Variants in NINJ2 observed in about 807,000 individuals in gnomAD.
The protein encoded by NINJ2 is ninjurin 2.
NINJ2 carries 12 observed loss-of-function variants against 11.7 expected under a neutral mutation model. The ratio of observed to expected loss-of-function variants is 1.02; its 90% CI spans 0.66 to 1.66. The LOEUF (loss-of-function observed/expected upper bound fraction) is 1.66, where lower values mean the gene tolerates loss of function less well. Among genes scored for constraint, NINJ2 ranks in the 40% most tolerant of loss-of-function variants. The pLI, the probability that NINJ2 is intolerant of heterozygous loss-of-function variation, is 0.00. For missense variants in NINJ2, 187 were observed against 181.8 expected (o/e 1.03, Z -0.16); for synonymous variants, 93 against 76.8 (o/e 1.21, Z -1.10).
At position 612,833 on chromosome 12, in the gene NINJ2, C is replaced by T. The variant is rs143085137; in HGVS notation, c.34-46655G>A. Among the ~76,000 whole-genome samples the T allele has an allele frequency of 2.0e-5, 3 of 152,292 alleles. No individual in the cohort carries two copies. The East Asian group carries it at 5.8e-4, about 29-fold the overall frequency. On this transcript the variant is annotated intron_variant, in intron 1 of 3. Coordinates refer to ENST00000305108, the MANE Select transcript of NINJ2 (RefSeq NM_016533.6). Reference sequence around the variant, plus strand: ...AGAGGACCCATGTGTCTGCAGCACACCCTTGGCACACCGGGTCCTCTCCGT... The same window carrying T: ...AGAGGACCCATGTGTCTGCAGCACATCCTTGGCACACCGGGTCCTCTCCGT...
chr12:642,869 G>C (rs1373350055), intron 1 of NINJ2: 1 of 150,888 alleles, frequency 6.6e-6, no homozygotes, highest in Non-Finnish European at 1.5e-5. Flanking sequence ...CCCCTGCCCG[G>C]CTCGCCCGCC....
Position 589,066 on chromosome 12 carries a change from G to A in NINJ2, c.34-22888C>T, listed in dbSNP as rs894960038. 5.9e-5 allele frequency among the ~76,000 whole-genome samples: 9 copies of A among 152,246 alleles called. 1 individual carries two copies. Among genetic ancestry groups the A allele is most frequent in the Admixed American group, 5.9e-4 (9 of 15,284 alleles). On this transcript the variant is annotated intron_variant, in intron 1 of 3. Transcript: ENST00000305108. The stretch of plus-strand genomic sequence containing the variant: ...ACAGAATAAGTCTCCCACAGAAAAT[G>A]CTCCCCAAAGCTCAAAAAGACAAGC...
At chr12:637,757 A>C (rs542464659) in intron 1 of NINJ2, among the ~76,000 whole-genome samples, 2 of 152,260 alleles carry the variant, frequency 1.3e-5, no homozygotes, top group East Asian at 3.9e-4. Context: ...GACACAACCC[A>C]ATTCCCTGTG....
In NINJ2 at chr12:614,108, C is replaced by T. The variant is rs1301183642; in HGVS notation, c.34-47930G>A. On this transcript the variant is annotated intron_variant, in intron 1 of 3. Coordinates refer to ENST00000305108, the MANE Select transcript of NINJ2 (RefSeq NM_016533.6). The surrounding 1 kb of genome is among the most constrained non-coding windows in gnomAD (Gnocchi z 5.1). ...AAGGCCAAGCAGCTTGTCCATAGCA[C>T]GTGGCTAGTAAGAACAGTCTCTTAC... Among the ~76,000 whole-genome samples the T allele has an allele frequency of 6.6e-6, 1 of 152,002 alleles. No individual in the cohort carries two copies. Among genetic ancestry groups the T allele is most frequent in the Non-Finnish European group, 1.5e-5 (1 of 68,004 alleles).
chr12:639,862 GCTAA>G (rs1948399130), intron 1 of NINJ2, among the ~76,000 whole-genome samples: 1 of 152,186 alleles, frequency 6.6e-6, no homozygotes, highest in Non-Finnish European at 1.5e-5. Flanking sequence ...GGGTAGACCC[GCTAA>G]CTTTTATAGA....
intron 1 of NINJ2, among the ~76,000 whole-genome samples, chr12:606,569 G>A (rs1947944812): frequency 1.3e-5 from 2 of 152,186 alleles, no homozygotes. Context: ...GTCAGCTTTT[G>A]GAACTGGAGG....
intron 1 of NINJ2, among the ~76,000 whole-genome samples, chr12:635,749 A>G (rs1467313552): frequency 6.6e-6 from 1 of 152,264 alleles, no homozygotes; most frequent in East Asian, 1.9e-4. Flanking sequence ...TCATCAAAAT[A>G]CAGAACTTGC....
chr12:568,702 A>C lies in NINJ2; in HGVS notation c.34-2524T>G, dbSNP rs183338419. The stretch of plus-strand genomic sequence containing the variant: ...TGGGTTGTTCATTATTGAGATTCCG[A>C]GTGTCCTCAACTTCTGGACGGGGCA... On this transcript the variant is annotated intron_variant, in intron 1 of 3. Coordinates refer to ENST00000305108, the MANE Select transcript of NINJ2 (RefSeq NM_016533.6). Among the ~76,000 whole-genome samples the C allele has an allele frequency of 1.8e-3, 268 of 152,326 alleles. 4 individuals are homozygous for C. Among genetic ancestry groups the C allele is most frequent in the African/African-American group, 6.3e-3 (260 of 41,564 alleles).
At chr12:589,302 T>C (rs1947686886) in intron 1 of NINJ2, among the ~76,000 whole-genome samples, 1 of 152,240 alleles carries the variant, frequency 6.6e-6, no homozygotes, top group African/African-American at 2.4e-5. Context: ...TATGATTAGA[T>C]ACAGAAGATA....
chr12:648,434 A>G (rs143086563), intron 1 of NINJ2, among the ~76,000 whole-genome samples: 1 of 152,204 alleles, frequency 6.6e-6, no homozygotes, highest in East Asian at 1.9e-4. Flanking sequence ...ACCCAATGCC[A>G]TGAAGATTCT....
At chr12:611,024 G>A (rs1226009993) in intron 1 of NINJ2, among the ~76,000 whole-genome samples, 2 of 151,950 alleles carry the variant, frequency 1.3e-5, no homozygotes, top group Non-Finnish European at 1.5e-5. Context: ...CATAAGCCAC[G>A]GCACCTAGGC....
chr12:565,567 A>G (rs772587323), intron 2 of NINJ2, 166 bp from the exon 3 acceptor site: 3 of 706,204 alleles, frequency 4.2e-6, no homozygotes, highest in East Asian at 5.3e-5. Flanking sequence ...GCCCTCGCCA[A>G]CCAGTACAAT....
At chr12:660,609 G>T (rs1166343885) in intron 1 of NINJ2, among the ~76,000 whole-genome samples, 7 of 151,946 alleles carry the variant, frequency 4.6e-5, no homozygotes, top group Non-Finnish European at 7.4e-5. Context: ...AAAGTGCTGG[G>T]GTTACAGGCG....
chr12:592,805 G>A (rs1158754198), intron 1 of NINJ2, among the ~76,000 whole-genome samples: 2 of 152,186 alleles, frequency 1.3e-5, no homozygotes, highest in African/African-American at 4.8e-5. Context: ...GATAAATACT[G>A]TCATTATAAA....
intron 1 of NINJ2, among the ~76,000 whole-genome samples, chr12:650,109 G>C (rs1221768427): frequency 6.8e-6 from 1 of 148,058 alleles, no homozygotes; most frequent in Non-Finnish European, 1.5e-5. Flanking sequence ...GCAAGGGATA[G>C]AGTCTCACTT....
intron 1 of NINJ2, among the ~76,000 whole-genome samples, chr12:654,293 G>C (rs1166060934): frequency 1.3e-5 from 2 of 152,128 alleles, no homozygotes; most frequent in Non-Finnish European, 2.9e-5. Flanking sequence ...GGAGGCCGAG[G>C]TGGGCAGATC....
chr12:624,960 T>A (rs538776687), intron 1 of NINJ2, among the ~76,000 whole-genome samples: 1 of 151,770 alleles, frequency 6.6e-6, no homozygotes. Flanking sequence ...AATACAAATA[T>A]CATCCTGGCA....
At chr12:652,706 G>A (rs968996764) in intron 1 of NINJ2, among the ~76,000 whole-genome samples, 4 of 151,922 alleles carry the variant, frequency 2.6e-5, no homozygotes, top group African/African-American at 9.7e-5. Context: ...CCAGCACTTT[G>A]GGAGGCTGAG....
At chr12:608,896 C>T (rs767300357) in intron 1 of NINJ2, among the ~76,000 whole-genome samples, 3 of 152,230 alleles carry the variant, frequency 2.0e-5, no homozygotes, top group Non-Finnish European at 4.4e-5. Context: ...AGTCACTGTC[C>T]CTCTCTGGGT....
Sources: allele counts gnomAD v4.1 joint callset (sites outside exome capture counted in the v4.1 genomes callset), GRCh38; gene constraint gnomAD v4.1.1; non-coding constraint Gnocchi (gnomAD v3.1); transcripts MANE v1.5; gene names NCBI Gene and HGNC (gene_info 2026-07-23, HGNC 2026-07-21).